The following DCBLD1 variants were observed in gnomAD, a reference collection of about 807,000 sequenced individuals.
DCBLD1 encodes the protein discoidin, CUB and LCCL domain containing 1.
In DCBLD1, 57 loss-of-function variants were observed where a neutral mutation model predicts 71.5. The ratio of observed to expected loss-of-function variants is 0.80; its 90% CI spans 0.64 to 0.99. The LOEUF (loss-of-function observed/expected upper bound fraction) is 0.99, where lower values mean the gene tolerates loss of function less well. Ranked by LOEUF, DCBLD1 falls within the 50% of genes least tolerant of loss-of-function variation. DCBLD1 has a pLI of 0.00. For synonymous variants in DCBLD1, 380 were observed against 363.8 expected, an observed-to-expected ratio of 1.04 and a Z score of -0.51; for missense variants, 891 against 923.5, an observed-to-expected ratio of 0.96 and a Z score of 0.46.
At chr6:117,518,792 G>T (rs1179656901) in intron 2 of DCBLD1, among the ~76,000 whole-genome samples, 2 of 152,086 alleles carry the variant, frequency 1.3e-5, no homozygotes, top group Non-Finnish European at 2.9e-5. Context: ...CTCCCACCAG[G>T]TCCCTCCCAC....
At chr6:117,547,868 T>G in intron 14 of DCBLD1, 39 bp from the exon 15 acceptor site, 5 of 1,550,274 alleles carry the variant, frequency 3.2e-6, no homozygotes, top group Non-Finnish European at 4.4e-6. Context: ...CCGGCCCGTG[T>G]GTGGTGCCCG....
At position 117,548,331 on chromosome 6, in the gene DCBLD1, C is replaced by A; in HGVS notation, c.2040C>A (p.His680Gln). ...AVSALATESG[H>Q]PDSQKPPTHP... Reference sequence around the variant, plus strand: ...GCGCCCTCGCCACCGAAAGCGGGCACCCTGACTCTCAGAAGCCCCCAACGC... The same window carrying A: ...GCGCCCTCGCCACCGAAAGCGGGCAACCTGACTCTCAGAAGCCCCCAACGC... Residue 680 changes from histidine to glutamine, a missense_variant, in exon 15 of 15, where the codon CAC becomes CAA. Coordinates refer to ENST00000338728, the MANE Select transcript of DCBLD1 (RefSeq NM_001366458.2). The A allele has an allele frequency of 3.9e-6, 6 of 1,550,726 alleles. No individual in the cohort carries two copies. Among genetic ancestry groups the A allele is most frequent in the African/African-American group, 1.4e-5 (1 of 73,198 alleles).
chr6:117,496,469 A>G (rs1469803594), intron 1 of DCBLD1, among the ~76,000 whole-genome samples: 1 of 152,220 alleles, frequency 6.6e-6, no homozygotes, highest in Non-Finnish European at 1.5e-5. Context: ...AATGGAATTA[A>G]TGATATCTTG....
At chr6:117,482,946 T>TGAGGGCTGCGGGGCGGGCCGGGCCGGGCC (rs2114333612) in intron 1 of DCBLD1, 53 bp downstream of exon 1, 1 of 1,135,058 alleles carries the variant, frequency 8.8e-7, no homozygotes, top group Admixed American at 5.0e-5. Flanking sequence ...AGGGGCGGGC[T>TGAGGGCTGCGGGGCGGGCCGGGCCGGGCC]GAGGGCTGCG....
At chr6:117,482,989 C>G (rs112633012) in intron 1 of DCBLD1, 96 bp downstream of exon 1, 13 of 744,068 alleles carry the variant, frequency 1.7e-5, no homozygotes, top group Non-Finnish European at 1.6e-5. Context: ...GGCTACGGGG[C>G]GGGCCGGGCC....
intron 6 of DCBLD1, among the ~76,000 whole-genome samples, chr6:117,535,662 C>A (rs1448780357): frequency 6.6e-6 from 1 of 152,062 alleles, no homozygotes; most frequent in Non-Finnish European, 1.5e-5. Flanking sequence ...TTTTGGTCAA[C>A]AACAAAATTA....
At chr6:117,540,840 G>A (rs369334184) in intron 10 of DCBLD1, 25 bp downstream of exon 10, 2 of 1,614,172 alleles carry the variant, frequency 1.2e-6, no homozygotes, top group African/African-American at 2.7e-5. Flanking sequence ...AAGCCAGTGA[G>A]TTACTCAAGT....
rs116991559 is a variant in DCBLD1 at position 117,546,508 on chromosome 6, G to A, written c.1615+911G>A. 4.5e-3 allele frequency among the ~76,000 whole-genome samples: 687 copies of A among 152,308 alleles called. 3 individuals carry two copies. The highest frequency in any genetic ancestry group is 6.3e-3 in the Non-Finnish European group (428 of 68,024). On this transcript the variant is annotated intron_variant, in intron 14 of 14. Coordinates refer to ENST00000338728, the MANE Select transcript of DCBLD1 (RefSeq NM_001366458.2). ...TTGGTTGAGTCACTTTGTGGACAAG[G>A]AGAGCATCCTCTGCAACCAAAATCC...
At chr6:117,517,255 T>C (rs1250864019) in intron 2 of DCBLD1, among the ~76,000 whole-genome samples, 1 of 152,192 alleles carries the variant, frequency 6.6e-6, no homozygotes, top group Non-Finnish European at 1.5e-5. Context: ...AAGTCTGAAA[T>C]CCAGTGGGGC....
intron 7 of DCBLD1, among the ~76,000 whole-genome samples, chr6:117,537,451 G>T (rs535300749): frequency 1.3e-5 from 2 of 151,182 alleles, no homozygotes; most frequent in Non-Finnish European, 2.9e-5. Context: ...GGAGAATGGC[G>T]TGAACCCGGG....
intron 14 of DCBLD1, chr6:117,562,775 A>G (rs929803170): frequency 4.8e-5 from 10 of 209,230 alleles, no homozygotes; most frequent in Non-Finnish European, 8.7e-5. Flanking sequence ...AGTTACAAAA[A>G]TTAAGTCAAG....
rs146613111 is a variant in DCBLD1, at chr6:117,541,008, C to G, written c.1340C>G (p.Ser447Trp). 4.3e-6 allele frequency: 7 copies of G among 1,614,158 alleles called. No homozygotes were observed. The highest frequency in any genetic ancestry group is 5.9e-6 in the Non-Finnish European group (7 of 1,180,030). Residue 447 changes from serine (S) to tryptophan (W), a missense_variant, in exon 11 of 15, where the codon TCG becomes TGG. By Grantham distance (177) the Ser-to-Trp change is radical (BLOSUM62 -3). Coordinates refer to ENST00000338728, the MANE Select transcript of DCBLD1 (RefSeq NM_001366458.2). The part of the protein sequence containing the change: ...EDETITRPIP[S>W]EETSTGINIT... ...GAGACAATCACAAGGCCCATCCCCT[C>G]GGAAGAAACATCCACAGGTAGAGCC... is the stretch of plus-strand genomic sequence containing the variant.
chr6:117,534,891 T>A (rs1208989888), intron 6 of DCBLD1, among the ~76,000 whole-genome samples: 2 of 152,146 alleles, frequency 1.3e-5, no homozygotes, highest in Admixed American at 6.5e-5. Context: ...TTATTTGTAC[T>A]AATTGTCTCA....
chr6:117,551,814 A>G (rs942886585), downstream of DCBLD1, among the ~76,000 whole-genome samples: 1 of 152,166 alleles, frequency 6.6e-6, no homozygotes, highest in Admixed American at 6.5e-5. Context: ...TGCCTCCCCA[A>G]CAGGTACAAG....
intron 14 of DCBLD1, among the ~76,000 whole-genome samples, chr6:117,556,960 C>G (rs2114589759): frequency 6.7e-6 from 1 of 148,770 alleles, no homozygotes; most frequent in East Asian, 2.0e-4. Flanking sequence ...TTGCATTTCT[C>G]TGATTAGTGA....
At chr6:117,515,388 C>T (rs1778162020) in intron 2 of DCBLD1, among the ~76,000 whole-genome samples, 1 of 152,120 alleles carries the variant, frequency 6.6e-6, no homozygotes, top group Admixed American at 6.5e-5. Context: ...CTATCATCAT[C>T]ACCATTTGGG....
chr6:117,492,679 A>T (rs1032668948), intron 1 of DCBLD1, among the ~76,000 whole-genome samples: 3 of 152,216 alleles, frequency 2.0e-5, no homozygotes, highest in Non-Finnish European at 2.9e-5. Flanking sequence ...CAGAATATGG[A>T]ATGTGCAAAA....
At chr6:117,524,918 G>A (rs1461937275) in intron 4 of DCBLD1, among the ~76,000 whole-genome samples, 1 of 152,184 alleles carries the variant, frequency 6.6e-6, no homozygotes, top group African/African-American at 2.4e-5. Context: ...AACACGGAAA[G>A]TGAAAGTTCC....
In DCBLD1 at chr6:117,549,597, A is replaced by T. The variant is rs1779389396; in HGVS notation, c.*1158A>T. 6.1e-6 allele frequency: 6 copies of T among 984,952 alleles called. No homozygotes were observed. Among genetic ancestry groups the T allele is most frequent in the East Asian group, 1.1e-4 (1 of 8,808 alleles). The allele number at this position is 984,952 out of a possible 1,614,324, so 61.0% of individuals were successfully genotyped here. A position where few individuals can be genotyped will look rare whatever the true frequency, so the allele number is the denominator to read the frequency against. ...TTTTAATAGAAAATATGGACCAAAA[A>T]TTTTTTTCCCTGAAGAATGTATTAT... On this transcript the variant is annotated 3_prime_UTR_variant, in exon 15 of 15. Transcript: ENST00000338728.
Sources: gnomAD v4.1 joint callset for allele counts (sites outside exome capture counted in the v4.1 genomes callset) on GRCh38, gnomAD v4.1.1 for gene constraint, MANE v1.5 for transcripts, NCBI Gene and HGNC (gene_info 2026-07-23, HGNC 2026-07-21) for gene names.